The following CLCN2 variants were observed in gnomAD, a reference collection of about 807,000 sequenced individuals.
The protein encoded by CLCN2 is chloride channel protein 2.
In CLCN2, 72 loss-of-function variants were observed where a neutral mutation model predicts 108.3. That is an observed-to-expected ratio of 0.66 (90% CI 0.55 to 0.81). The LOEUF (loss-of-function observed/expected upper bound fraction) is 0.81, where lower values mean the gene tolerates loss of function less well. Among genes scored for constraint, CLCN2 ranks in the 30% least tolerant of loss-of-function variants. CLCN2 has a pLI of 0.00. For missense variants in CLCN2, 1,048 were observed against 1,205.2 expected (o/e 0.87, Z 1.93); for synonymous variants, 471 against 467.1 (o/e 1.01, Z -0.11).
At chr3:184,352,587 A>G in intron 19 of CLCN2, 91 bp from the exon 20 acceptor site, 1 of 1,473,690 alleles carries the variant, frequency 6.8e-7, no homozygotes, top group Non-Finnish European at 9.4e-7. Flanking sequence ...CCCAGGGGAA[A>G]GGGCACGCCA....
intron 22 of CLCN2, chr3:184,347,435 A>G: frequency 3.0e-6 from 1 of 337,792 alleles, no homozygotes; most frequent in South Asian, 2.4e-5. Flanking sequence ...CATGGGGCTC[A>G]ACAGTGAAGT....
chr3:184,346,693 A>G lies in CLCN2; in HGVS notation c.2610T>C (p.Thr870=), dbSNP rs374680551. The G allele has an allele frequency of 2.7e-5, 44 of 1,614,088 alleles. 1 individual carries two copies. The African/African-American group carries it at 4.7e-4, about 17-fold the overall frequency. Residue 870 remains threonine, a synonymous_variant, in exon 24 of 24, where the codon ACT becomes ACC. Coordinates refer to ENST00000265593, the MANE Select transcript of CLCN2 (RefSeq NM_004366.6). This position sits in a 1 kb window ranked among gnomAD's most constrained non-coding sequence, Gnocchi z 6.0. ...SATSSSDTET[T]EVHALWGPHS... Reference sequence around the variant, plus strand: ...GGGGCCCCCAGAGTGCATGCACCTCAGTGGTCTCCGTGTCACTGCTGCTGG... The same window carrying G: ...GGGGCCCCCAGAGTGCATGCACCTCGGTGGTCTCCGTGTCACTGCTGCTGG...
Position 184,352,062 on chromosome 3 carries a change from T to C in CLCN2, c.2366A>G (p.Lys789Arg), listed in dbSNP as rs770774668. Residue 789 changes from lysine to arginine, a missense_variant, in exon 22 of 24, where the codon AAA becomes AGA. Coordinates refer to ENST00000265593, the MANE Select transcript of CLCN2 (RefSeq NM_004366.6). ...LDEPVNFSDC[K>R]IDPAPFQLVE... ...CAGCTGGAAGGGAGCAGGATCAATTTTGCAGTCACTGAAGTTGACAGGTTC... is the reference window on the plus strand; with the variant it reads ...CAGCTGGAAGGGAGCAGGATCAATTCTGCAGTCACTGAAGTTGACAGGTTC... 6.2e-7 allele frequency: 1 copy of C among 1,613,810 alleles called. No individual in the cohort carries two copies. Among genetic ancestry groups the C allele is most frequent in the East Asian group, 2.2e-5 (1 of 44,874 alleles).
In CLCN2 at chr3:184,353,322, G is replaced by A; in HGVS notation, c.1956C>T (p.Arg652=). ...ATAGTGGAGAGGTCTGGGTGGCTCTGCGCTCCTGCATGTGCTGCCGCCGGC... is the reference window on the plus strand; with the variant it reads ...ATAGTGGAGAGGTCTGGGTGGCTCTACGCTCCTGCATGTGCTGCCGCCGGC... ...PARRRQHMQE[R]RATQTSPLSD... is the part of the protein sequence containing the mutation. The change falls in exon 17 of 24, where the codon CGC becomes CGT. Residue 652 remains arginine (R), a synonymous_variant. Coordinates refer to ENST00000265593, the MANE Select transcript of CLCN2 (RefSeq NM_004366.6). 4.3e-6 allele frequency: 7 copies of A among 1,613,538 alleles called. No individual in the cohort carries two copies. The highest frequency in any genetic ancestry group is 3.3e-5 in the South Asian group (3 of 91,082).
rs1383265943 is a variant in CLCN2, at chr3:184,358,108, C to T, written c.482-13G>A. ...GGGATGCCAGAGCCTGGAGAGGGAA[C>T]AGTCTCAGGAGAGGCATTCGATGCA... On this transcript the variant is annotated splice_polypyrimidine_tract_variant and intron_variant, in intron 4 of 23. Transcript: ENST00000265593. The T allele has an allele frequency of 1.2e-6, 2 of 1,613,980 alleles. No individual in the cohort carries two copies.
chr3:184,358,557 C>T, intron 3 of CLCN2, 125 bp downstream of exon 3: 2 of 1,350,780 alleles, frequency 1.5e-6, no homozygotes, highest in South Asian at 2.5e-5. Flanking sequence ...TCTGGGCAGT[C>T]AGACTGGCTG....
intron 16 of CLCN2, 98 bp from the exon 17 acceptor site, chr3:184,353,520 C>A: frequency 6.5e-7 from 1 of 1,544,782 alleles, no homozygotes; most frequent in Admixed American, 1.9e-5. Flanking sequence ...ATGCAGGCCA[C>A]ACACCAGAGG....
chr3:184,354,411 A>G (rs1196126627), intron 14 of CLCN2, 97 bp from the exon 15 acceptor site: 2 of 1,372,362 alleles, frequency 1.5e-6, no homozygotes, highest in Non-Finnish European at 1.0e-6. Flanking sequence ...AGGGCTGCCC[A>G]ATACAGTCCT....
At chr3:184,357,529 GC>G (rs1188894464) in intron 7 of CLCN2, 42 bp from the exon 8 acceptor site, 1 of 1,613,956 alleles carries the variant, frequency 6.2e-7, no homozygotes, top group Admixed American at 1.7e-5. Context: ...CCTGGGCCTG[GC>G]CTAAGGCCTC....
intron 19 of CLCN2, 80 bp from the exon 20 acceptor site, chr3:184,352,576 G>A: frequency 1.3e-6 from 2 of 1,517,652 alleles, no homozygotes; most frequent in Non-Finnish European, 1.8e-6. Context: ...AAGTGGTGGA[G>A]CCCAGGGGAA....
At chr3:184,354,454 G>A in intron 14 of CLCN2, 94 bp downstream of exon 14, 2 of 1,302,684 alleles carry the variant, frequency 1.5e-6, no homozygotes, top group Non-Finnish European at 2.2e-6. Flanking sequence ...GGGAAGCCTG[G>A]TTTCTGCCAG....
chr3:184,346,970 T>C lies in CLCN2; in HGVS notation c.2467A>G (p.Ile823Val). ...GTAACGATTCCAATGAGTCTGCCAA[T>C]ACTGGTGACATAAGCATGGTCCACT... The part of the protein sequence containing the change: ...LGVDHAYVTS[I>V]GRLIGIVTLK... The change falls in exon 23 of 24, where the codon ATT (isoleucine) becomes GTT (valine). Residue 823 changes from isoleucine to valine, a missense_variant. Physicochemically the swap from Ile to Val is conservative, Grantham distance 29. Coordinates refer to ENST00000265593, the MANE Select transcript of CLCN2 (RefSeq NM_004366.6). The surrounding 1 kb of genome is among the most constrained non-coding windows in gnomAD (Gnocchi z 6.0). 1 of 1,614,120 alleles carries C rather than the reference T, an allele frequency of 6.2e-7. No individual in the cohort carries two copies. The highest frequency in any genetic ancestry group is 8.5e-7 in the Non-Finnish European group (1 of 1,179,994).
At chr3:184,349,763 GAGGCTAAGAA>G (rs1727958533) in intron 22 of CLCN2, among the ~76,000 whole-genome samples, 1 of 152,230 alleles carries the variant, frequency 6.6e-6, no homozygotes, top group Non-Finnish European at 1.5e-5. Flanking sequence ...GAAGCACAGA[GAGGCTAAGAA>G]ACTTACCAAG....
chr3:184,353,296 G>T lies in CLCN2; in HGVS notation c.1982C>A (p.Ser661Tyr). The change falls in exon 17 of 24, where the codon TCT (serine) becomes TAT (tyrosine). Residue 661 changes from serine to tyrosine, a missense_variant. Physicochemically the swap from Ser to Tyr is moderately radical, Grantham distance 144. Coordinates refer to ENST00000265593, the MANE Select transcript of CLCN2 (RefSeq NM_004366.6). The stretch of plus-strand genomic sequence containing the variant: ...AGGGGTAGGGGGACCCTCCTGATCA[G>T]ATAGTGGAGAGGTCTGGGTGGCTCT... Reference protein sequence around the residue: ...ERRATQTSPLSDQEGPPTPEA... With the variant: ...ERRATQTSPLYDQEGPPTPEA... The T allele has an allele frequency of 6.2e-7, 1 of 1,613,822 alleles. No individual in the cohort carries two copies. The highest frequency in any genetic ancestry group is 8.5e-7 in the Non-Finnish European group (1 of 1,180,014).
chr3:184,348,390 G>C (rs1318694321), intron 22 of CLCN2: 1 of 149,644 alleles, frequency 6.7e-6, no homozygotes, highest in South Asian at 2.1e-4. Context: ...GGGGCGCTGA[G>C]TTGTGAGGAT....
intron 22 of CLCN2, chr3:184,347,260 G>A (rs969534429): frequency 1.4e-5 from 8 of 573,126 alleles, no homozygotes; most frequent in African/African-American, 1.3e-4. Flanking sequence ...CACTGACGGA[G>A]AAATAGGATG....
intron 15 of CLCN2, 82 bp from the exon 16 acceptor site, chr3:184,353,877 G>T: frequency 6.4e-7 from 1 of 1,560,852 alleles, no homozygotes; most frequent in East Asian, 2.4e-5. Context: ...GCCACAAGGA[G>T]GGCTCCAGAG....
Position 184,352,347 on chromosome 3 carries a change from G to C in CLCN2, c.2272-16C>G. ...CCGCGTCACTCTAGTAGAGAGGGAG[G>C]GAGGCTGGCAGCTAGGGGCTCTGGA... On this transcript the variant is annotated splice_polypyrimidine_tract_variant and intron_variant, in intron 20 of 23. Transcript: ENST00000265593. 6.2e-7 allele frequency: 1 copy of C among 1,613,806 alleles called. No homozygotes were observed. The highest frequency in any genetic ancestry group is 1.1e-5 in the South Asian group (1 of 91,078).
chr3:184,353,527 G>C lies in CLCN2; in HGVS notation c.1856-105C>G, dbSNP rs898005537. On this transcript the variant is annotated intron_variant, in intron 16 of 23. Transcript: ENST00000265593. ...GGCCTTGCATGCAGGCCACACACCA[G>C]AGGGAAGCCCCCACCTGGCAAGTGC... 1.9e-6 allele frequency: 3 copies of C among 1,543,926 alleles called. No individual in the cohort carries two copies. In the African/African-American group the frequency reaches 4.1e-5, roughly 21 times the overall value.
Sources: allele counts gnomAD v4.1 joint callset (sites outside exome capture counted in the v4.1 genomes callset), GRCh38; gene constraint gnomAD v4.1.1; non-coding constraint Gnocchi (gnomAD v3.1); transcripts MANE v1.5; gene names NCBI Gene and HGNC (gene_info 2026-07-23, HGNC 2026-07-21).